MARCHF4: variants seen among roughly 807,000 people sequenced by gnomAD.
MARCHF4 encodes the protein membrane associated ring-CH-type finger 4, also known as E3 ubiquitin-protein ligase MARCHF4.
A neutral mutation model predicts 43.9 loss-of-function variants in MARCHF4; 14 were observed. The observed-to-expected ratio is 0.32, with a 90% CI of 0.21 to 0.50. The LOEUF is 0.50. Ranked by LOEUF, MARCHF4 falls within the 20% of genes least tolerant of loss-of-function variation. The probability of loss-of-function intolerance (pLI) is 0.98; values close to 1 mark genes in which losing one functional copy is unlikely to be tolerated. For synonymous variants in MARCHF4, 226 were observed against 213.3 expected (o/e 1.06, Z -0.52); for missense variants, 468 against 536.7 (o/e 0.87, Z 1.27).
intron 3 of MARCHF4, among the ~76,000 whole-genome samples, chr2:216,274,586 C>G (rs1690992489): frequency 6.6e-6 from 1 of 152,142 alleles, no homozygotes; most frequent in South Asian, 2.1e-4. Context: ...ATCATTTTAC[C>G]ATCAGTAAAA....
At chr2:216,353,005 G>A (rs1692424585) in intron 1 of MARCHF4, among the ~76,000 whole-genome samples, 1 of 152,148 alleles carries the variant, frequency 6.6e-6, no homozygotes, top group Admixed American at 6.5e-5. Flanking sequence ...GTGGGAGAAA[G>A]ATAAAACAAG....
At chr2:216,326,876 G>C (rs1184438384) in intron 1 of MARCHF4, among the ~76,000 whole-genome samples, 1 of 151,618 alleles carries the variant, frequency 6.6e-6, no homozygotes, top group African/African-American at 2.4e-5. Flanking sequence ...ACGAGTTAGT[G>C]GGTGCAGCAC....
At chr2:216,337,578 G>C (rs1692177204) in intron 1 of MARCHF4, among the ~76,000 whole-genome samples, 1 of 151,734 alleles carries the variant, frequency 6.6e-6, no homozygotes, top group South Asian at 2.1e-4. Flanking sequence ...TTTATAAAAA[G>C]AAAAAAGAGT....
At chr2:216,265,100 A>G (rs1034003105) in intron 3 of MARCHF4, among the ~76,000 whole-genome samples, 1 of 152,170 alleles carries the variant, frequency 6.6e-6, no homozygotes, top group Non-Finnish European at 1.5e-5. Context: ...GGGAAGTGGC[A>G]GTGGATAGAG....
chr2:216,336,560 T>C (rs1339890221), intron 1 of MARCHF4, among the ~76,000 whole-genome samples: 2 of 152,006 alleles, frequency 1.3e-5, no homozygotes, highest in Admixed American at 6.6e-5. Context: ...TTGTTCTGTC[T>C]GTTCTGTCTG....
intron 1 of MARCHF4, among the ~76,000 whole-genome samples, chr2:216,313,715 G>A (rs1249623137): frequency 6.6e-6 from 1 of 152,204 alleles, no homozygotes; most frequent in African/African-American, 2.4e-5. Flanking sequence ...AGAGAGATCT[G>A]CTTTCTCAGA....
Position 216,259,170 on chromosome 2 carries a change from G to T in MARCHF4, c.*142C>A, listed in dbSNP as rs528120952. ...CTGCTCCTGCACCAGCCTCACTCCC[G>T]CTCTGACACTACCCCAGGGCTCCCG... On this transcript the variant is annotated 3_prime_UTR_variant, in exon 4 of 4. Transcript: ENST00000273067. 9.5e-6 allele frequency: 12 copies of T among 1,260,948 alleles called. No homozygotes were observed. The highest frequency in any genetic ancestry group is 7.0e-5 in the Admixed American group (3 of 42,916). The allele number at this position is 1,260,948 out of a possible 1,614,324, so 78.1% of individuals were successfully genotyped here.
chr2:216,270,604 TCTA>T (rs1371808320), intron 3 of MARCHF4, among the ~76,000 whole-genome samples: 1 of 152,210 alleles, frequency 6.6e-6, no homozygotes, highest in Non-Finnish European at 1.5e-5. Context: ...TTGTTTATCT[TCTA>T]CTACAAACTC....
rs897467831 is a variant in MARCHF4 at position 216,369,985 on chromosome 2, G to A, written c.276C>T (p.Gly92=). 5.2e-6 allele frequency: 8 copies of A among 1,545,132 alleles called. No individual in the cohort carries two copies. Among genetic ancestry groups the A allele is most frequent in the Admixed American group, 3.9e-5 (2 of 51,124 alleles). Residue 92 remains glycine, a synonymous_variant, in exon 1 of 4, where the codon GGC becomes GGT. Coordinates refer to ENST00000273067, the MANE Select transcript of MARCHF4 (RefSeq NM_020814.3). ...GCTCCCTGCCCACCACTTCTCGGGG[G>A]CCCCTCCAGCCTGCCCACCCCCCGG... ...LGAGGWAGWR[G]PREVVGREPP... is the part of the protein sequence containing the mutation.
chr2:216,346,946 G>A (rs1574484470), intron 1 of MARCHF4, among the ~76,000 whole-genome samples: 1 of 152,128 alleles, frequency 6.6e-6, no homozygotes, highest in African/African-American at 2.4e-5. Flanking sequence ...TGCTCTCGTG[G>A]TAGTGAGTGA....
intron 1 of MARCHF4, among the ~76,000 whole-genome samples, chr2:216,355,274 A>G (rs542193526): frequency 6.6e-6 from 1 of 152,062 alleles, no homozygotes; most frequent in Admixed American, 6.6e-5. Flanking sequence ...GCCCGGCCCT[A>G]ATACTTGTAT....
chr2:216,295,469 T>C (rs371956691), intron 1 of MARCHF4, among the ~76,000 whole-genome samples: 18 of 152,124 alleles, frequency 1.2e-4, no homozygotes, highest in African/African-American at 4.3e-4. Context: ...CATGTTGCCA[T>C]GTTGGGATTA....
intron 1 of MARCHF4, among the ~76,000 whole-genome samples, chr2:216,332,252 C>G (rs1692090775): frequency 6.6e-6 from 1 of 151,860 alleles, no homozygotes; most frequent in African/African-American, 2.4e-5. Flanking sequence ...ATTAGCCGGG[C>G]ATGGTGGCAC....
rs182829946 is a variant in MARCHF4, at chr2:216,284,425, T to C, written c.517-696A>G. On this transcript the variant is annotated intron_variant, in intron 1 of 3. Transcript: ENST00000273067. ...TGGGCTCACTCTCCAGAACTTCCCA[T>C]GACCATATGTCAGATGGCCATGGCT... 4.3e-4 allele frequency among the ~76,000 whole-genome samples: 66 copies of C among 152,340 alleles called. 1 individual carries two copies. Among genetic ancestry groups the C allele is most frequent in the Non-Finnish European group, 8.4e-4 (57 of 68,028 alleles).
rs190611282 is a variant in MARCHF4 at position 216,283,749 on chromosome 2, G to A, written c.517-20C>T. 6 of 1,587,414 alleles carry A rather than the reference G, an allele frequency of 3.8e-6. No individual in the cohort carries two copies. The African/African-American group carries it at 6.7e-5, about 18-fold the overall frequency. ...CTCCCCCTGCAGGGAGAGAGCACAGGGTGATGAGGCTGAGACCTACAGTGG... is the reference window on the plus strand; with the variant it reads ...CTCCCCCTGCAGGGAGAGAGCACAGAGTGATGAGGCTGAGACCTACAGTGG... On this transcript the variant is annotated intron_variant, in intron 1 of 3. Transcript: ENST00000273067.
intron 1 of MARCHF4, among the ~76,000 whole-genome samples, chr2:216,329,080 GATAAAA>G (rs1370253124): frequency 6.6e-6 from 1 of 150,960 alleles, no homozygotes; most frequent in Non-Finnish European, 1.5e-5. Context: ...TAAATGCTAT[GATAAAA>G]ATAAAAACAC....
At chr2:216,292,209 A>G (rs1691320560) in intron 1 of MARCHF4, among the ~76,000 whole-genome samples, 1 of 152,212 alleles carries the variant, frequency 6.6e-6, no homozygotes, top group East Asian at 1.9e-4. Context: ...CACTTTATTT[A>G]CAACCCCACC....
At chr2:216,352,842 GC>G (rs1692422431) in intron 1 of MARCHF4, among the ~76,000 whole-genome samples, 1 of 152,136 alleles carries the variant, frequency 6.6e-6, no homozygotes, top group African/African-American at 2.4e-5. Flanking sequence ...CTTAATTCCT[GC>G]CCTGCAGTCA....
chr2:216,338,790 T>C (rs189227223), intron 1 of MARCHF4, among the ~76,000 whole-genome samples: 1 of 152,288 alleles, frequency 6.6e-6, no homozygotes, highest in East Asian at 1.9e-4. Flanking sequence ...AACTCCAAAG[T>C]CTTCAAAGAT....
Sources: allele counts gnomAD v4.1 joint callset (sites outside exome capture counted in the v4.1 genomes callset), GRCh38; gene constraint gnomAD v4.1.1; transcripts MANE v1.5; gene names NCBI Gene and HGNC (gene_info 2026-07-23, HGNC 2026-07-21).